Variants in GSDME observed in about 807,000 individuals in gnomAD.
The protein encoded by GSDME is gasdermin-E.
A neutral mutation model predicts 47.5 loss-of-function variants in GSDME; 44 were observed. The ratio of observed to expected loss-of-function variants is 0.93; its 90% CI spans 0.73 to 1.19. GSDME has a LOEUF of 1.19. Ranked by LOEUF, GSDME falls within the 50% of genes most tolerant of loss-of-function variation. The pLI is 0.00. For missense variants in GSDME, 663 were observed against 604.2 expected, an observed-to-expected ratio of 1.10 and a Z score of -1.02; for synonymous variants, 258 against 252.8, an observed-to-expected ratio of 1.02 and a Z score of -0.20.
intron 3 of GSDME, among the ~76,000 whole-genome samples, chr7:24,740,465 A>T (rs1790453488): frequency 6.6e-6 from 1 of 152,178 alleles, no homozygotes. Context: ...GTACATTTTT[A>T]AAATAACTAA....
the GSDME span, among the ~76,000 whole-genome samples, chr7:24,795,204 A>G: frequency 6.6e-6 from 1 of 152,162 alleles, no homozygotes; most frequent in Non-Finnish European, 1.5e-5. Flanking sequence ...CCACCAGGGC[A>G]ATTACCCAGC....
chr7:24,707,509 C>A, intron 7 of GSDME: 2 of 456,110 alleles, frequency 4.4e-6, no homozygotes, highest in Non-Finnish European at 4.6e-6. Context: ...ACCACACGAC[C>A]CCCTTGCAGT....
At position 24,749,783 on chromosome 7, in the gene GSDME, C is replaced by T; in HGVS notation, c.-9G>A. ...GTTGCTTTGGCAAACATTTTGAAAG[C>T]TCCAGATTATCTGAAAAAGTAAAGT... On this transcript the variant is annotated 5_prime_UTR_variant, in exon 2 of 10. Coordinates refer to ENST00000645220, the MANE Select transcript of GSDME (RefSeq NM_001127453.2). 4 of 1,608,868 alleles carry T rather than the reference C, an allele frequency of 2.5e-6. No individual in the cohort carries two copies. The highest frequency in any genetic ancestry group is 3.4e-6 in the Non-Finnish European group (4 of 1,175,844).
chr7:24,731,287 G>A (rs1306477772), intron 3 of GSDME, among the ~76,000 whole-genome samples: 1 of 152,206 alleles, frequency 6.6e-6, no homozygotes, highest in Non-Finnish European at 1.5e-5. Flanking sequence ...AACAGCCTGT[G>A]TGCTATGCAG....
At chr7:24,702,582 A>G (rs928076188) in intron 9 of GSDME, 178 bp downstream of exon 9, 4 of 601,620 alleles carry the variant, frequency 6.6e-6, no homozygotes, top group Non-Finnish European at 1.3e-5. Flanking sequence ...TCTGGGTCTC[A>G]GTCTTCCCAT....
Position 24,698,751 on chromosome 7 carries a change from A to G in GSDME, c.*275T>C, listed in dbSNP as rs1788736609. 2.1e-6 allele frequency: 1 copy of G among 478,874 alleles called. No individual in the cohort carries two copies. Among genetic ancestry groups the G allele is most frequent in the Admixed American group, 3.3e-5 (1 of 29,886 alleles). The allele number at this position is 478,874 out of a possible 1,614,324, so 29.7% of individuals were successfully genotyped here. On this transcript the variant is annotated 3_prime_UTR_variant, in exon 10 of 10. Coordinates refer to ENST00000645220, the MANE Select transcript of GSDME (RefSeq NM_001127453.2). ...ATTATTGTGCAGAAAAAACGTCTGA[A>G]TGTATGCTAAGAATTCTCCGCCCTC...
chr7:24,792,117 G>C, the GSDME span, among the ~76,000 whole-genome samples: 5 of 152,200 alleles, frequency 3.3e-5, no homozygotes, highest in African/African-American at 4.8e-5. Context: ...CATAACAATT[G>C]CTTTTGTTTA....
intron 8 of GSDME, 84 bp from the exon 9 acceptor site, chr7:24,702,917 T>C (rs1054239359): frequency 2.7e-5 from 33 of 1,205,230 alleles, no homozygotes; most frequent in Middle Eastern, 4.6e-4. Context: ...ACCTAACTTA[T>C]ATTTTAGTAC....
chr7:24,723,883 G>A (rs1156774431), intron 3 of GSDME, among the ~76,000 whole-genome samples: 1 of 152,186 alleles, frequency 6.6e-6, no homozygotes, highest in Non-Finnish European at 1.5e-5. Context: ...AAGTCCTCTG[G>A]GAATCCTTAT....
the GSDME span, among the ~76,000 whole-genome samples, chr7:24,794,282 TCTCTCTCTCTTTCTCTC>T: frequency 7.7e-6 from 1 of 129,778 alleles, no homozygotes. Context: ...CTCTCTTTCC[TCTCTCTCTCTTTCTCTC>T]CTCTCTCTCT....
chr7:24,748,031 G>A (rs1215333416), intron 2 of GSDME, among the ~76,000 whole-genome samples: 1 of 150,910 alleles, frequency 6.6e-6, no homozygotes, highest in African/African-American at 2.4e-5. Flanking sequence ...TACACTCAAA[G>A]GAATATTATG....
the GSDME span, among the ~76,000 whole-genome samples, chr7:24,775,603 A>C: frequency 6.6e-6 from 1 of 152,144 alleles, no homozygotes; most frequent in Non-Finnish European, 1.5e-5. Context: ...GCGGTGGCTC[A>C]CGCCTGTAAT....
In GSDME at chr7:24,725,751, G is replaced by A. The variant is rs1215660339; in HGVS notation, c.405-6533C>T. On this transcript the variant is annotated intron_variant, in intron 3 of 9. Coordinates refer to ENST00000645220, the MANE Select transcript of GSDME (RefSeq NM_001127453.2). The surrounding 1 kb of genome is among the most constrained non-coding windows in gnomAD (Gnocchi z 5.1). ...ATTAGGTCAGGGGTCAATCTTTAAC[G>A]ACCAGGCCCAGGGTGTGACGCCGGG... Among the ~76,000 whole-genome samples the A allele has an allele frequency of 6.6e-6, 1 of 152,154 alleles. No individual in the cohort carries two copies. The highest frequency in any genetic ancestry group is 1.5e-5 in the Non-Finnish European group (1 of 68,038).
chr7:24,761,306 TAAAC>T (rs1468700541), upstream of GSDME, among the ~76,000 whole-genome samples: 1 of 152,262 alleles, frequency 6.6e-6, no homozygotes, highest in East Asian at 1.9e-4. This position sits in a 1 kb window ranked among gnomAD's most constrained non-coding sequence, Gnocchi z 4.4. Context: ...GAGTGGCTTA[TAAAC>T]AACAGGACTT....
chr7:24,718,313 A>G (rs896543438), intron 4 of GSDME, among the ~76,000 whole-genome samples: 2 of 152,256 alleles, frequency 1.3e-5, no homozygotes, highest in Non-Finnish European at 2.9e-5. Context: ...ATCAGCCACC[A>G]TGGCAAGCTG....
intron 9 of GSDME, among the ~76,000 whole-genome samples, chr7:24,701,731 C>G (rs201728525): frequency 6.6e-6 from 1 of 152,200 alleles, no homozygotes; most frequent in Non-Finnish European, 1.5e-5. Context: ...GACACACATG[C>G]TGGCACATTT....
the GSDME span, among the ~76,000 whole-genome samples, chr7:24,789,457 G>T: frequency 7.2e-5 from 11 of 152,194 alleles, no homozygotes; most frequent in Non-Finnish European, 1.3e-4. Context: ...GCGTGAGCAG[G>T]TCGTGATCAA....
At chr7:24,789,671 T>C in the GSDME span, among the ~76,000 whole-genome samples, 1 of 152,214 alleles carries the variant, frequency 6.6e-6, no homozygotes, top group African/African-American at 2.4e-5. Flanking sequence ...CATTTCTGCC[T>C]TTTAGTTTTT....
At chr7:24,708,654 A>C (rs1789222898) in intron 6 of GSDME, among the ~76,000 whole-genome samples, 2 of 152,252 alleles carry the variant, frequency 1.3e-5, no homozygotes, top group African/African-American at 4.8e-5. Context: ...GAGCCATACA[A>C]ATTCCAAAAT....
Sources: allele counts gnomAD v4.1 joint callset (sites outside exome capture counted in the v4.1 genomes callset), GRCh38; gene constraint gnomAD v4.1.1; non-coding constraint Gnocchi (gnomAD v3.1); transcripts MANE v1.5; gene names NCBI Gene and HGNC (gene_info 2026-07-23, HGNC 2026-07-21).